NAA35: variants seen among roughly 807,000 people sequenced by gnomAD.
NAA35 encodes MAK10 homolog, amino-acid N-acetyltransferase subunit.
A neutral mutation model predicts 101.7 loss-of-function variants in NAA35; 18 were observed. That is an observed-to-expected ratio of 0.18 (90% CI 0.12 to 0.26). The LOEUF (loss-of-function observed/expected upper bound fraction) is 0.26. Ranked by LOEUF, NAA35 falls within the 10% of genes least tolerant of loss-of-function variation. NAA35 has a pLI of 1.00. For synonymous variants in NAA35, 267 were observed against 273.1 expected (o/e 0.98, Z 0.22); for missense variants, 601 against 886.8 (o/e 0.68, Z 4.09).
chr9:85,942,521 T>A (rs1036372062), intron 2 of NAA35, among the ~76,000 whole-genome samples: 2 of 152,200 alleles, frequency 1.3e-5, no homozygotes, highest in Non-Finnish European at 2.9e-5. Context: ...CTTTAACAGG[T>A]TAGAGAGAGC....
chr9:85,985,936 A>T (rs774614438), intron 11 of NAA35, among the ~76,000 whole-genome samples: 2 of 152,224 alleles, frequency 1.3e-5, no homozygotes, highest in African/African-American at 4.8e-5. Context: ...CCATTAAAAC[A>T]TGGGAATAAA....
chr9:85,992,474 T>A (rs2118220441), intron 11 of NAA35, among the ~76,000 whole-genome samples: 1 of 152,322 alleles, frequency 6.6e-6, no homozygotes. Context: ...GCCTGTTGGA[T>A]ACACCTTAAT....
chr9:85,962,318 C>G, intron 6 of NAA35, 138 bp downstream of exon 6: 17 of 647,610 alleles, frequency 2.6e-5, no homozygotes, highest in Non-Finnish European at 4.0e-5. Flanking sequence ...TGGTGAAACA[C>G]TGTCTCTACT....
chr9:86,014,092 C>A (rs1832083483), intron 17 of NAA35, among the ~76,000 whole-genome samples, 195 bp downstream of exon 17: 1 of 151,976 alleles, frequency 6.6e-6, no homozygotes, highest in Non-Finnish European at 1.5e-5. Flanking sequence ...GTGTATTTTT[C>A]CAAATGTTTA....
chr9:85,995,272 A>T lies in NAA35; in HGVS notation c.878-1127A>T, dbSNP rs557907000. Among the ~76,000 whole-genome samples, 189 of 150,636 alleles carry T rather than the reference A, an allele frequency of 1.3e-3. 4 individuals are homozygous for T. In the South Asian group the frequency reaches 0.033, roughly 27 times the overall value. On this transcript the variant is annotated intron_variant, in intron 11 of 22. Coordinates refer to ENST00000361671, the MANE Select transcript of NAA35 (RefSeq NM_024635.4). ...AGCAATTTATTTATTTTTAATTTTT[A>T]AAATTTATTTATTTAAAATAATTAT...
At chr9:85,985,479 C>T (rs1385036012) in intron 11 of NAA35, among the ~76,000 whole-genome samples, 1 of 152,014 alleles carries the variant, frequency 6.6e-6, no homozygotes, top group Non-Finnish European at 1.5e-5. Context: ...ATGGAAGAAT[C>T]CAATCAGAAA....
intron 17 of NAA35, chr9:86,014,494 T>G: frequency 3.8e-6 from 1 of 263,762 alleles, no homozygotes; most frequent in Non-Finnish European, 5.9e-6. Context: ...TAAGATTGAG[T>G]GTTAATGAAT....
At chr9:86,006,057 G>A (rs1303011710) in intron 13 of NAA35, among the ~76,000 whole-genome samples, 3 of 151,978 alleles carry the variant, frequency 2.0e-5, no homozygotes, top group Non-Finnish European at 4.4e-5. Flanking sequence ...TGTAATCCCA[G>A]CTACTCGGGA....
intron 12 of NAA35, among the ~76,000 whole-genome samples, chr9:86,001,083 G>T (rs1188801647): frequency 2.0e-5 from 3 of 152,030 alleles, no homozygotes; most frequent in Non-Finnish European, 4.4e-5. Flanking sequence ...TTGGTATGTT[G>T]TATCTTTGTT....
At chr9:85,951,861 T>C (rs13290390) in intron 2 of NAA35, among the ~76,000 whole-genome samples, 52,504 of 152,086 alleles carry the variant, frequency 0.35, 11,419 homozygotes, top group Non-Finnish European at 0.5. Context: ...GGTTTCGCCA[T>C]GTTGGCCAGG....
intron 6 of NAA35, among the ~76,000 whole-genome samples, chr9:85,967,072 G>A (rs1422305356): frequency 6.6e-6 from 1 of 152,154 alleles, no homozygotes; most frequent in Admixed American, 6.6e-5. Context: ...TCAGGAGGCG[G>A]AGCTTGCAGT....
At chr9:85,981,248 A>G (rs1449204509) in intron 11 of NAA35, among the ~76,000 whole-genome samples, 1 of 152,192 alleles carries the variant, frequency 6.6e-6, no homozygotes, top group Non-Finnish European at 1.5e-5. Flanking sequence ...ACGTAGTAGT[A>G]CATGTTTACA....
intron 6 of NAA35, among the ~76,000 whole-genome samples, chr9:85,970,788 G>T (rs1485502453): frequency 6.6e-6 from 1 of 152,176 alleles, no homozygotes; most frequent in East Asian, 1.9e-4. Flanking sequence ...TTAGAGACAT[G>T]AATTTCTGTA....
intron 2 of NAA35, among the ~76,000 whole-genome samples, chr9:85,945,052 C>T (rs1166925809): frequency 6.6e-6 from 1 of 152,158 alleles, no homozygotes; most frequent in Non-Finnish European, 1.5e-5. Flanking sequence ...GTTTAGAATA[C>T]TGGTGGGAGA....
chr9:85,978,035 C>A (rs1227203992), intron 10 of NAA35, among the ~76,000 whole-genome samples: 2 of 150,220 alleles, frequency 1.3e-5, no homozygotes, highest in East Asian at 1.9e-4. Flanking sequence ...AAAAAAAAAA[C>A]CAAAAATATT....
chr9:86,014,013 C>A, intron 17 of NAA35, 116 bp downstream of exon 17: 1 of 857,382 alleles, frequency 1.2e-6, no homozygotes. Flanking sequence ...AGTTGTGGGA[C>A]AGTTGGAAAA....
At chr9:85,959,647 A>G in intron 4 of NAA35, 146 bp from the exon 5 acceptor site, 2 of 534,882 alleles carry the variant, frequency 3.7e-6, no homozygotes, top group Non-Finnish European at 3.3e-6. Context: ...ATTTGGTGTG[A>G]TAGTTTTATC....
chr9:85,943,170 T>C (rs1483144061), intron 2 of NAA35, among the ~76,000 whole-genome samples: 1 of 151,950 alleles, frequency 6.6e-6, no homozygotes, highest in Admixed American at 6.6e-5. Context: ...GCTTGTTGCT[T>C]GAGGGGAAAG....
At chr9:85,948,248 C>G (rs1283917922) in intron 2 of NAA35, among the ~76,000 whole-genome samples, 1 of 152,058 alleles carries the variant, frequency 6.6e-6, no homozygotes, top group Non-Finnish European at 1.5e-5. Context: ...CTTTTTCTTT[C>G]CTGCATACTT....
Sources: allele counts gnomAD v4.1 joint callset (sites outside exome capture counted in the v4.1 genomes callset), GRCh38; gene constraint gnomAD v4.1.1; transcripts MANE v1.5; gene names NCBI Gene and HGNC (gene_info 2026-07-23, HGNC 2026-07-21).